The following RAB5B variants were observed in gnomAD, a reference collection of about 807,000 sequenced individuals.
RAB5B encodes the protein ras-related protein Rab-5B.
RAB5B carries 11 observed loss-of-function variants against 28.6 expected under a neutral mutation model. The observed-to-expected ratio is 0.38, with a 90% confidence interval of 0.24 to 0.64. The LOEUF (loss-of-function observed/expected upper bound fraction) is 0.64. Among genes scored for constraint, RAB5B ranks in the 30% least tolerant of loss-of-function variants. The pLI, the probability that RAB5B is intolerant of heterozygous loss-of-function variation, is 0.53. For synonymous variants in RAB5B, 93 were observed against 97.9 expected, an observed-to-expected ratio of 0.95 and a Z score of 0.29; for missense variants, 169 against 265.6, an observed-to-expected ratio of 0.64 and a Z score of 2.53.
intron 1 of RAB5B, among the ~76,000 whole-genome samples, chr12:55,976,891 T>C (rs1464310924): frequency 6.6e-6 from 1 of 152,246 alleles, no homozygotes; most frequent in Non-Finnish European, 1.5e-5. Flanking sequence ...CCAGCCTTTG[T>C]ACAGCGCCCA....
At chr12:55,980,953 G>A (rs2136475201) in intron 1 of RAB5B, 1 of 1,613,930 alleles carries the variant, frequency 6.2e-7, no homozygotes, top group East Asian at 2.2e-5. Context: ...CCTCTGCAAA[G>A]CGAATGATCA....
Position 55,989,981 on chromosome 12 carries a change from C to G in RAB5B, c.198C>G (p.Asp66Glu). The change falls in exon 3 of 6, where the codon GAC becomes GAG. Residue 66 changes from aspartate (D) to glutamate (E), a missense_variant. Transcript: ENST00000360299. ...AFLTQSVCLD[D>E]TTVKFEIWDT... is the part of the protein sequence containing the mutation. ...TCACCCAGTCCGTTTGTCTAGATGACACAACAGTGAAGTTTGAGATCTGGG... is the reference window on the plus strand; with the variant it reads ...TCACCCAGTCCGTTTGTCTAGATGAGACAACAGTGAAGTTTGAGATCTGGG... The G allele has an allele frequency of 6.2e-7, 1 of 1,613,626 alleles. No homozygotes were observed. Among genetic ancestry groups the G allele is most frequent in the Non-Finnish European group, 8.5e-7 (1 of 1,179,538 alleles).
chr12:55,989,909 C>T, intron 2 of RAB5B, 38 bp from the exon 3 acceptor site: 2 of 1,589,028 alleles, frequency 1.3e-6, no homozygotes, highest in Non-Finnish European at 1.7e-6. Flanking sequence ...TTCATCCTCC[C>T]ACTTACAGCA....
intron 1 of RAB5B, chr12:55,980,771 T>C (rs1301090429): frequency 6.3e-7 from 1 of 1,577,598 alleles, no homozygotes; most frequent in African/African-American, 1.3e-5. Flanking sequence ...CGTGATGTCG[T>C]ATGCTAGGAT....
chr12:55,985,859 C>A, intron 1 of RAB5B: 1 of 329,840 alleles, frequency 3.0e-6, no homozygotes, highest in Non-Finnish European at 6.2e-6. Context: ...TCTTGATAGA[C>A]TTTCAGATTT....
At chr12:55,975,397 T>C (rs1193339409) in intron 1 of RAB5B, among the ~76,000 whole-genome samples, 1 of 152,160 alleles carries the variant, frequency 6.6e-6, no homozygotes, top group Non-Finnish European at 1.5e-5. Context: ...AAAGCCCAGA[T>C]TTCTGTGCTG....
intron 4 of RAB5B, 85 bp from the exon 5 acceptor site, chr12:55,991,275 C>G: frequency 9.8e-7 from 1 of 1,024,584 alleles, no homozygotes; most frequent in Non-Finnish European, 1.5e-6. Context: ...AGGATTTTGC[C>G]TAGCTGTTGT....
chr12:55,975,021 T>TC (rs1266999437), intron 1 of RAB5B, among the ~76,000 whole-genome samples: 22 of 152,330 alleles, frequency 1.4e-4, no homozygotes, highest in South Asian at 6.2e-4. Context: ...TTTCTTAACT[T>TC]ACTGTTTCAT....
At position 55,996,145 on chromosome 12, in the gene RAB5B, C is replaced by G. The variant is rs1009129351; in HGVS notation, c.*3933C>G. ...CAACTTTTCACTGTCGGTTCCCTTA[C>G]CTTATATCTCTTGGTAATACCCCCC... On this transcript the variant is annotated 3_prime_UTR_variant, in exon 6 of 6. Transcript: ENST00000360299. The G allele has an allele frequency of 6.6e-6, 1 of 151,566 alleles. No individual in the cohort carries two copies. The highest frequency in any genetic ancestry group is 2.4e-5 in the African/African-American group (1 of 41,152). The allele number at this position is 151,566 out of a possible 1,614,324, so 9.4% of individuals were successfully genotyped here. A position where few individuals can be genotyped will look rare whatever the true frequency, so the allele number is the denominator to read the frequency against.
At chr12:55,976,452 A>G (rs1889649306) in intron 1 of RAB5B, among the ~76,000 whole-genome samples, 3 of 152,324 alleles carry the variant, frequency 2.0e-5, no homozygotes, top group Middle Eastern at 6.8e-3. Flanking sequence ...GGAAGTGCCC[A>G]AAGAGATGGA....
At chr12:55,985,958 T>G (rs1446028150) in intron 1 of RAB5B, among the ~76,000 whole-genome samples, 1 of 152,224 alleles carries the variant, frequency 6.6e-6, no homozygotes. Flanking sequence ...TATTTCTCTC[T>G]TTACCTTCAA....
rs1565792642 is a variant in RAB5B, at chr12:55,995,428, C to T, written c.*3216C>T. On this transcript the variant is annotated 3_prime_UTR_variant, in exon 6 of 6. Coordinates refer to ENST00000360299, the MANE Select transcript of RAB5B (RefSeq NM_002868.4). ...CTAGGATCCATTTCTATATGTTTCT[C>T]AAAGGGGTCCATGACCCAAAGGTTG... 1 of 152,184 alleles carries T rather than the reference C, an allele frequency of 6.6e-6. No homozygotes were observed. The highest frequency in any genetic ancestry group is 2.4e-5 in the African/African-American group (1 of 41,440). The allele number at this position is 152,184 out of a possible 1,614,324, so 9.4% of individuals were successfully genotyped here. A position where few individuals can be genotyped will look rare whatever the true frequency, so the allele number is the denominator to read the frequency against.
chr12:55,980,638 C>T, intron 1 of RAB5B: 1 of 1,597,636 alleles, frequency 6.3e-7, no homozygotes, highest in South Asian at 1.1e-5. Flanking sequence ...CCTGCTCCTT[C>T]TGCACCTTCC....
At chr12:55,991,895 C>G in intron 5 of RAB5B, 2 of 525,594 alleles carry the variant, frequency 3.8e-6, no homozygotes, top group South Asian at 4.2e-5. Context: ...CCACTGCACT[C>G]CATCCTGGCA....
At chr12:55,989,862 G>A (rs1890056104) in intron 2 of RAB5B, 85 bp from the exon 3 acceptor site, 1 of 1,466,280 alleles carries the variant, frequency 6.8e-7, no homozygotes, top group Admixed American at 1.7e-5. Context: ...CTTAGTGTAG[G>A]GCAGTTACAT....
chr12:55,995,506 T>G lies in RAB5B; in HGVS notation c.*3294T>G, dbSNP rs987754047. ...TAGCTTCCACCTCAACGGGAAAATT[T>G]CCTCTGGATCTGCTCTTGACTCCTA... On this transcript the variant is annotated 3_prime_UTR_variant, in exon 6 of 6. Coordinates refer to ENST00000360299, the MANE Select transcript of RAB5B (RefSeq NM_002868.4). 6 of 152,234 alleles carry G rather than the reference T, an allele frequency of 3.9e-5. No individual in the cohort carries two copies. The highest frequency in any genetic ancestry group is 9.6e-5 in the African/African-American group (4 of 41,464). 9.4% of individuals were successfully genotyped at this position (152,234 alleles called of 1,614,324 possible).
chr12:55,980,519 T>A (rs1889773439), intron 1 of RAB5B: 1 of 1,587,210 alleles, frequency 6.3e-7, no homozygotes, highest in Non-Finnish European at 8.7e-7. Flanking sequence ...GCCTCCTGAC[T>A]TGAGCAAGAT....
At position 55,994,881 on chromosome 12, in the gene RAB5B, A is replaced by C. The variant is rs1890242416; in HGVS notation, c.*2669A>C. On this transcript the variant is annotated 3_prime_UTR_variant, in exon 6 of 6. Coordinates refer to ENST00000360299, the MANE Select transcript of RAB5B (RefSeq NM_002868.4). ...TATTCCCTTTAATCTTTTCTTAAAC[A>C]TCTAGTTTAGAAAATAGCCCTTCTA... 6.6e-6 allele frequency: 1 copy of C among 152,072 alleles called. No individual in the cohort carries two copies. The highest frequency in any genetic ancestry group is 1.5e-5 in the Non-Finnish European group (1 of 68,028). The allele number at this position is 152,072 out of a possible 1,614,324, so 9.4% of individuals were successfully genotyped here.
chr12:55,987,015 T>G lies in RAB5B; in HGVS notation c.55T>G (p.Cys19Gly). Reference sequence around the variant, plus strand: ...TGGGCAACCCCAGGCCAGCAAAATTTGCCAGTTCAAATTGGTCCTGCTGGG... The same window carrying G: ...TGGGCAACCCCAGGCCAGCAAAATTGGCCAGTTCAAATTGGTCCTGCTGGG... ...PNGQPQASKI[C>G]QFKLVLLGES... The change falls in exon 2 of 6, where the codon TGC becomes GGC. Residue 19 changes from cysteine to glycine, a missense_variant. Around this residue, in one of 3 missense-constraint regions of RAB5B, gnomAD observed 43 missense variants for 85.8 expected, o/e 0.50. Transcript: ENST00000360299. 6.2e-7 allele frequency: 1 copy of G among 1,606,834 alleles called. No homozygotes were observed. The highest frequency in any genetic ancestry group is 8.5e-7 in the Non-Finnish European group (1 of 1,175,780).
Sources: gnomAD v4.1 joint callset for allele counts (sites outside exome capture counted in the v4.1 genomes callset) on GRCh38, gnomAD v4.1.1 for gene constraint, gnomAD v4.1.1 regional missense constraint, MANE v1.5 for transcripts, NCBI Gene and HGNC (gene_info 2026-07-23, HGNC 2026-07-21) for gene names.